Variants in DOCK7 observed in about 807,000 individuals in gnomAD.
DOCK7 encodes dedicator of cytokinesis 7, also known as dedicator of cytokinesis protein 7.
In DOCK7, 138 loss-of-function variants were observed where a neutral mutation model predicts 271.0. That is an observed-to-expected ratio of 0.51 (90% CI 0.44 to 0.59). The LOEUF is 0.59. DOCK7 is among the 20% of genes least tolerant of loss of function. The probability of loss-of-function intolerance (pLI) is 0.00; values close to 1 mark genes in which losing one functional copy is unlikely to be tolerated. For missense variants in DOCK7, 2,066 were observed against 2,592.4 expected, an observed-to-expected ratio of 0.80 and a Z score of 4.41; for synonymous variants, 823 against 876.1, an observed-to-expected ratio of 0.94 and a Z score of 1.07.
Position 62,559,031 on chromosome 1 carries a change from T to C in DOCK7, c.2389A>G (p.Ile797Val), listed in dbSNP as rs746281003. Residue 797 changes from isoleucine to valine, a missense_variant, in exon 20 of 50, where the codon ATA becomes GTA. Transcript: ENST00000635253. The part of the protein sequence containing the change: ...RFLHLLLDKL[I>V]LLVIRPPVIA... Reference sequence around the variant, plus strand: ...ACAGGAGGTCTAATAACTAAAAGTATCAGTTTATCTAGCAGAAGATGAAGA... The same window carrying C: ...ACAGGAGGTCTAATAACTAAAAGTACCAGTTTATCTAGCAGAAGATGAAGA... 6.2e-7 allele frequency: 1 copy of C among 1,613,710 alleles called. No individual in the cohort carries two copies. The highest frequency in any genetic ancestry group is 1.1e-5 in the South Asian group (1 of 91,050).
chr1:62,682,427 A>G (rs1334951336), intron 1 of DOCK7, among the ~76,000 whole-genome samples: 1 of 152,230 alleles, frequency 6.6e-6, no homozygotes, highest in Non-Finnish European at 1.5e-5. Flanking sequence ...TGTGTCAGAT[A>G]TCCATGGGAT....
At chr1:62,556,287 C>T (rs986813437) in intron 20 of DOCK7, among the ~76,000 whole-genome samples, 5 of 151,450 alleles carry the variant, frequency 3.3e-5, no homozygotes, top group African/African-American at 9.7e-5. Flanking sequence ...TAAAACAATA[C>T]AAAGTACATA....
At chr1:62,583,330 TG>T in intron 15 of DOCK7, 76 bp from the exon 16 acceptor site, 1 of 1,347,130 alleles carries the variant, frequency 7.4e-7, no homozygotes. Flanking sequence ...AGAATTTGTC[TG>T]ATTTAATAAC....
intron 37 of DOCK7, among the ~76,000 whole-genome samples, chr1:62,498,498 A>G (rs1646686281): frequency 6.6e-6 from 1 of 152,180 alleles, no homozygotes; most frequent in Admixed American, 6.5e-5. Flanking sequence ...CTTATTTAGC[A>G]CTTGCTTAGT....
intron 14 of DOCK7, chr1:62,601,670 C>T (rs1184086641): frequency 7.2e-6 from 6 of 834,402 alleles, no homozygotes; most frequent in East Asian, 2.6e-5. Flanking sequence ...AAAAATGCTA[C>T]ATTTGCCACA....
At chr1:62,472,877 A>G (rs914368437) in intron 48 of DOCK7, among the ~76,000 whole-genome samples, 6 of 152,158 alleles carry the variant, frequency 3.9e-5, no homozygotes, top group South Asian at 2.1e-4. Context: ...TAAGTCTCCA[A>G]TGAGGTTCCC....
chr1:62,666,570 G>C (rs547224657), intron 1 of DOCK7, among the ~76,000 whole-genome samples: 2 of 152,318 alleles, frequency 1.3e-5, no homozygotes, highest in South Asian at 4.1e-4. Flanking sequence ...TTCATAAAAT[G>C]GTAGTGAAGG....
At chr1:62,652,391 G>C (rs536823866) in intron 4 of DOCK7, among the ~76,000 whole-genome samples, 1 of 151,808 alleles carries the variant, frequency 6.6e-6, no homozygotes, top group Non-Finnish European at 1.5e-5. Flanking sequence ...ATAATATCTA[G>C]TATAATAGAA....
intron 43 of DOCK7, among the ~76,000 whole-genome samples, chr1:62,480,314 T>C (rs1443688384): frequency 6.6e-6 from 1 of 152,240 alleles, no homozygotes; most frequent in Non-Finnish European, 1.5e-5. Flanking sequence ...CTACCTCTTT[T>C]TATTATATTT....
At chr1:62,645,288 T>C (rs1424506226) in intron 7 of DOCK7, among the ~76,000 whole-genome samples, 1 of 152,138 alleles carries the variant, frequency 6.6e-6, no homozygotes, top group Non-Finnish European at 1.5e-5. Flanking sequence ...CAATCATTAC[T>C]GATTAATAGA....
intron 14 of DOCK7, among the ~76,000 whole-genome samples, chr1:62,618,079 A>G (rs1465941104): frequency 1.3e-5 from 2 of 152,216 alleles, no homozygotes; most frequent in East Asian, 3.9e-4. Context: ...CCCAACAGAC[A>G]TGTCAAGTTC....
Position 62,542,691 on chromosome 1 carries a change from C to G in DOCK7, c.2962G>C (p.Glu988Gln). Residue 988 changes from glutamate to glutamine, a missense_variant, in exon 25 of 50, where the codon GAG (glutamate) becomes CAG (glutamine). Coordinates refer to ENST00000635253, the MANE Select transcript of DOCK7 (RefSeq NM_001367561.1). ...RLPTKKLFHE[E>Q]LALQWVVCSG... ...CAAACAACCCACTGCAAAGCCAGCT[C>G]CTCGTGAAAAAGCTATCCAGAAGTA... 1 of 1,613,002 alleles carries G rather than the reference C, an allele frequency of 6.2e-7. No individual in the cohort carries two copies. The highest frequency in any genetic ancestry group is 1.3e-5 in the African/African-American group (1 of 74,984).
chr1:62,543,996 A>G (rs890904334), intron 23 of DOCK7, among the ~76,000 whole-genome samples: 2 of 152,176 alleles, frequency 1.3e-5, no homozygotes, highest in Non-Finnish European at 2.9e-5. Flanking sequence ...TATAATATTC[A>G]GAGTGTTGCA....
intron 1 of DOCK7, among the ~76,000 whole-genome samples, chr1:62,684,938 C>A (rs1443860964): frequency 1.3e-5 from 2 of 152,130 alleles, no homozygotes; most frequent in African/African-American, 4.8e-5. Context: ...CATTATAATT[C>A]TTTTTAAAGT....
intron 16 of DOCK7, 104 bp from the exon 17 acceptor site, chr1:62,579,070 T>C: frequency 2.6e-6 from 3 of 1,142,026 alleles, no homozygotes; most frequent in Non-Finnish European, 3.5e-6. Context: ...TCATGTTTAA[T>C]TTTTCCTCTA....
intron 12 of DOCK7, among the ~76,000 whole-genome samples, chr1:62,622,368 G>A (rs1280900218): frequency 6.6e-6 from 1 of 151,992 alleles, no homozygotes; most frequent in Admixed American, 6.5e-5. Context: ...TCAACAAATA[G>A]AACAAATGTC....
intron 31 of DOCK7, among the ~76,000 whole-genome samples, chr1:62,527,356 A>G (rs1028188677): frequency 1.1e-4 from 16 of 152,200 alleles, no homozygotes; most frequent in African/African-American, 3.6e-4. Context: ...TTAAAAAAAT[A>G]AAGAAATGAA....
intron 18 of DOCK7, among the ~76,000 whole-genome samples, chr1:62,565,240 C>T (rs1646471826): frequency 6.6e-6 from 1 of 151,966 alleles, no homozygotes; most frequent in Admixed American, 6.6e-5. Context: ...GGCAGAGACA[C>T]AACAAAAAAA....
chr1:62,505,512 G>A (rs1420287514), intron 36 of DOCK7, among the ~76,000 whole-genome samples, 170 bp downstream of exon 36: 1 of 152,182 alleles, frequency 6.6e-6, no homozygotes, highest in Non-Finnish European at 1.5e-5. Context: ...GCAGGCAGCA[G>A]TAGAGAGGCA....
Sources: gnomAD v4.1 joint callset for allele counts (sites outside exome capture counted in the v4.1 genomes callset) on GRCh38, gnomAD v4.1.1 for gene constraint, MANE v1.5 for transcripts, NCBI Gene and HGNC (gene_info 2026-07-23, HGNC 2026-07-21) for gene names.